The following ARHGEF26 variants were observed in gnomAD, a reference collection of about 807,000 sequenced individuals.
ARHGEF26 encodes the protein Rho guanine nucleotide exchange factor 26, also known as Rho guanine nucleotide exchange factor (GEF) 26.
A neutral mutation model predicts 89.4 loss-of-function variants in ARHGEF26; 59 were observed. The observed-to-expected ratio is 0.66, with a 90% CI of 0.54 to 0.82. The LOEUF is 0.82. ARHGEF26 is among the 40% of genes least tolerant of loss of function. The pLI is 0.00. For synonymous variants in ARHGEF26, 500 were observed against 428.4 expected (o/e 1.17, Z -2.06); for missense variants, 1,234 against 1,085.6 (o/e 1.14, Z -1.92).
intron 12 of ARHGEF26, among the ~76,000 whole-genome samples, chr3:154,246,283 G>A (rs183060178): frequency 9.2e-5 from 14 of 152,262 alleles, no homozygotes; most frequent in Non-Finnish European, 1.5e-4. Flanking sequence ...CTAAGGAAAC[G>A]AATTTAGTGT....
At chr3:154,251,493 T>C (rs1718143252) in intron 12 of ARHGEF26, among the ~76,000 whole-genome samples, 1 of 152,230 alleles carries the variant, frequency 6.6e-6, no homozygotes, top group Non-Finnish European at 1.5e-5. Context: ...TGTTACGTGT[T>C]GGGCAATGTT....
intron 6 of ARHGEF26, among the ~76,000 whole-genome samples, chr3:154,175,602 A>G (rs1712768320): frequency 6.6e-6 from 1 of 152,240 alleles, no homozygotes; most frequent in Admixed American, 6.5e-5. Context: ...TCTGGTTTGT[A>G]TCCCCTGAGA....
intron 9 of ARHGEF26, among the ~76,000 whole-genome samples, chr3:154,216,507 TTA>T (rs72205065): frequency 0.57 from 60,915 of 106,662 alleles, 12,615 homozygotes; most frequent in African/African-American, 0.6. Context: ...TTTTTATTTT[TTA>T]TTTTTTTTTT....
chr3:154,218,937 C>G (rs1715947683), intron 10 of ARHGEF26, among the ~76,000 whole-genome samples: 1 of 152,180 alleles, frequency 6.6e-6, no homozygotes, highest in African/African-American at 2.4e-5. Flanking sequence ...ACTTGCAGGT[C>G]AGTGTAAACT....
At chr3:154,157,212 CAAGGCTCCT>C (rs1490558762) in intron 6 of ARHGEF26, among the ~76,000 whole-genome samples, 2 of 152,154 alleles carry the variant, frequency 1.3e-5, no homozygotes, top group Non-Finnish European at 2.9e-5. Flanking sequence ...TCCTATTCTG[CAAGGCTCCT>C]AAGTTCCAAA....
chr3:154,123,409 A>G (rs1027125271), intron 2 of ARHGEF26, among the ~76,000 whole-genome samples: 3 of 152,172 alleles, frequency 2.0e-5, no homozygotes, highest in Non-Finnish European at 4.4e-5. Flanking sequence ...GGGGAGGAGC[A>G]TGTTCAGAAC....
intron 7 of ARHGEF26, among the ~76,000 whole-genome samples, chr3:154,189,557 T>G (rs1032738587): frequency 1.3e-5 from 2 of 152,152 alleles, no homozygotes; most frequent in Admixed American, 1.3e-4. Flanking sequence ...CAGGATGGTC[T>G]TGATCTCCTG....
rs1176270837 is a variant in ARHGEF26 at position 154,129,598 on chromosome 3, A to G, written c.1148A>G (p.Tyr383Cys). 1.9e-6 allele frequency: 3 copies of G among 1,611,890 alleles called. No homozygotes were observed. Among genetic ancestry groups the G allele is most frequent in the Non-Finnish European group, 2.5e-6 (3 of 1,178,926 alleles). ...GAAAATGCTGTCCTGTATCAAAACT[A>G]CAAGGAAAAGGCCCTTGACATTGAT... is the stretch of plus-strand genomic sequence containing the variant. ...GEENAVLYQN[Y>C]KEKALDIDSD... The change falls in exon 4 of 15, where the codon TAC becomes TGC. Residue 383 changes from tyrosine (Y) to cysteine (C), a missense_variant. Coordinates refer to ENST00000465093, the MANE Select transcript of ARHGEF26 (RefSeq NM_015595.4).
intron 6 of ARHGEF26, among the ~76,000 whole-genome samples, chr3:154,160,458 T>A (rs556300404): frequency 2.0e-5 from 3 of 152,284 alleles, no homozygotes; most frequent in Admixed American, 2.0e-4. Flanking sequence ...TGCACTGTAT[T>A]CATTCTCTTC....
At chr3:154,174,845 G>T (rs1712698528) in intron 6 of ARHGEF26, among the ~76,000 whole-genome samples, 2 of 151,876 alleles carry the variant, frequency 1.3e-5, no homozygotes. Flanking sequence ...TTAAAAAATA[G>T]TTAAGAAATT....
intron 6 of ARHGEF26, among the ~76,000 whole-genome samples, chr3:154,162,702 T>A (rs992976157): frequency 6.6e-6 from 1 of 151,966 alleles, no homozygotes; most frequent in Non-Finnish European, 1.5e-5. Context: ...TGAATGTGGG[T>A]GTGTGAGAGT....
chr3:154,138,753 C>T (rs765453646), intron 4 of ARHGEF26, among the ~76,000 whole-genome samples: 1 of 152,128 alleles, frequency 6.6e-6, no homozygotes, highest in Non-Finnish European at 1.5e-5. Flanking sequence ...AGTAGAAAAT[C>T]GATGAGAGAG....
chr3:154,255,734 G>A lies in ARHGEF26; in HGVS notation c.*261G>A. The A allele has an allele frequency of 7.9e-7, 1 of 1,263,286 alleles. No homozygotes were observed. Among genetic ancestry groups the A allele is most frequent in the South Asian group, 2.7e-5 (1 of 37,238 alleles). The allele number at this position is 1,263,286 out of a possible 1,614,324, so 78.3% of individuals were successfully genotyped here. On this transcript the variant is annotated 3_prime_UTR_variant, in exon 15 of 15. Transcript: ENST00000465093. The stretch of plus-strand genomic sequence containing the variant: ...GAATAGCTGAGCAGTTCACTTCAGG[G>A]ATCAGGTCATCTCTGCTCCTCCTAG...
chr3:154,228,547 A>G (rs749092779), intron 11 of ARHGEF26, among the ~76,000 whole-genome samples: 15 of 151,262 alleles, frequency 9.9e-5, no homozygotes, highest in African/African-American at 1.5e-4. Flanking sequence ...TACCAAAACT[A>G]GAATTTTTTT....
intron 4 of ARHGEF26, among the ~76,000 whole-genome samples, chr3:154,142,135 G>A (rs147146142): frequency 1.2e-3 from 182 of 152,234 alleles, no homozygotes; most frequent in Admixed American, 1.6e-3. Context: ...TCTATAGGAT[G>A]TAACTTAAAC....
chr3:154,215,034 G>A (rs1216544166), intron 9 of ARHGEF26, among the ~76,000 whole-genome samples: 1 of 152,160 alleles, frequency 6.6e-6, no homozygotes, highest in Non-Finnish European at 1.5e-5. Flanking sequence ...AATTATTATA[G>A]CATAAATTGG....
In ARHGEF26 at chr3:154,256,373, C is replaced by T; in HGVS notation, c.*900C>T. 2.6e-6 allele frequency: 2 copies of T among 755,692 alleles called. No individual in the cohort carries two copies. Among genetic ancestry groups the T allele is most frequent in the Non-Finnish European group, 3.2e-6 (2 of 621,926 alleles). 46.8% of individuals were successfully genotyped at this position (755,692 alleles called of 1,614,324 possible). Reference sequence around the variant, plus strand: ...AAGTAGCTGGGATTGTAAGAGTATGCCACCACGCCCAGCTACTTTTTGTAT... The same window carrying T: ...AAGTAGCTGGGATTGTAAGAGTATGTCACCACGCCCAGCTACTTTTTGTAT... On this transcript the variant is annotated 3_prime_UTR_variant, in exon 15 of 15. Coordinates refer to ENST00000465093, the MANE Select transcript of ARHGEF26 (RefSeq NM_015595.4).
intron 11 of ARHGEF26, among the ~76,000 whole-genome samples, chr3:154,238,804 C>T (rs962137835): frequency 3.9e-5 from 6 of 152,000 alleles, no homozygotes; most frequent in African/African-American, 1.2e-4. Flanking sequence ...TCGGGATTTG[C>T]CAGGCAAATA....
intron 9 of ARHGEF26, among the ~76,000 whole-genome samples, chr3:154,202,926 CA>C (rs1714744198): frequency 6.6e-6 from 1 of 152,112 alleles, no homozygotes; most frequent in African/African-American, 2.4e-5. Flanking sequence ...TCTAGATATA[CA>C]ATCATGTCAT....
Sources: allele counts gnomAD v4.1 joint callset (sites outside exome capture counted in the v4.1 genomes callset), GRCh38; gene constraint gnomAD v4.1.1; transcripts MANE v1.5; gene names NCBI Gene and HGNC (gene_info 2026-07-23, HGNC 2026-07-21).